The following MME variants were observed in gnomAD, a reference collection of about 807,000 sequenced individuals.
MME encodes neprilysin.
MME carries 98 observed loss-of-function variants against 113.2 expected under a neutral mutation model. The ratio of observed to expected loss-of-function variants is 0.87; its 90% CI spans 0.74 to 1.02. The LOEUF (loss-of-function observed/expected upper bound fraction) is 1.02, where lower values mean the gene tolerates loss of function less well. MME is among the 50% of genes least tolerant of loss of function. MME has a pLI of 0.00. For synonymous variants in MME, 292 were observed against 300.6 expected (o/e 0.97, Z 0.30); for missense variants, 836 against 896.0 (o/e 0.93, Z 0.86).
chr3:155,155,037 C>T (rs918796101), intron 16 of MME, among the ~76,000 whole-genome samples: 8 of 152,140 alleles, frequency 5.3e-5, no homozygotes, highest in Admixed American at 1.3e-4. Context: ...ACGTTTTATG[C>T]TTCCATTAAG....
At chr3:155,083,384 A>G (rs893524249) in intron 1 of MME, 5 of 152,192 alleles carry the variant, frequency 3.3e-5, no homozygotes, top group South Asian at 2.1e-4. Context: ...ATGTTTTTGC[A>G]TACCCTGCTT....
chr3:155,152,374 A>G (rs994621138), intron 16 of MME, among the ~76,000 whole-genome samples: 2 of 152,190 alleles, frequency 1.3e-5, no homozygotes, highest in African/African-American at 4.8e-5. Context: ...ACATTTTACT[A>G]CGTTTAGTTG....
intron 16 of MME, chr3:155,159,015 AT>A (rs1325855940): frequency 2.0e-5 from 3 of 152,010 alleles, no homozygotes; most frequent in African/African-American, 4.8e-5. Context: ...TGTTAACTAA[AT>A]TTTTTTAAGT....
chr3:155,024,715 C>T (rs1482448586), intron 1 of MME, among the ~76,000 whole-genome samples: 1 of 152,002 alleles, frequency 6.6e-6, no homozygotes, highest in African/African-American at 2.4e-5. Context: ...TTTTGGTGAA[C>T]AATTTTAGAA....
chr3:155,070,506 A>G lies in MME; in HGVS notation c.-10-13652A>G, dbSNP rs146746863. ...CTGACTTGGTAAGAATGCTTGTGGT[A>G]AGAATGACCAGCTGATGAAAAGGAT... On this transcript the variant is annotated intron_variant, in intron 1 of 22. Transcript: ENST00000492661. 4.6e-3 allele frequency among the ~76,000 whole-genome samples: 705 copies of G among 152,320 alleles called. 5 individuals are homozygous for G. Among genetic ancestry groups the G allele is most frequent in the East Asian group, 0.017 (87 of 5,170 alleles).
At chr3:155,172,280 T>C in intron 21 of MME, 68 bp downstream of exon 21, 1 of 1,077,630 alleles carries the variant, frequency 9.3e-7, no homozygotes, top group Non-Finnish European at 1.4e-6. Flanking sequence ...GTAAGTTAGA[T>C]GTCACATGCT....
chr3:155,056,961 A>T (rs1390551641), intron 1 of MME, among the ~76,000 whole-genome samples: 1 of 152,222 alleles, frequency 6.6e-6, no homozygotes, highest in Non-Finnish European at 1.5e-5. Context: ...TGGATTAAAG[A>T]CTTAAACGTT....
intron 1 of MME, among the ~76,000 whole-genome samples, chr3:155,024,774 C>T (rs1441333490): frequency 6.6e-6 from 1 of 152,120 alleles, no homozygotes; most frequent in Non-Finnish European, 1.5e-5. Context: ...AGATACATTT[C>T]CTATAAAGGT....
At chr3:155,086,504 G>A (rs1028159433) in intron 3 of MME, among the ~76,000 whole-genome samples, 10 of 152,174 alleles carry the variant, frequency 6.6e-5, no homozygotes, top group Non-Finnish European at 1.5e-4. Context: ...TTAAGAAGAG[G>A]TTCAAGGGCT....
intron 14 of MME, 92 bp from the exon 15 acceptor site, chr3:155,147,052 C>A: frequency 1.2e-6 from 1 of 809,848 alleles, no homozygotes; most frequent in Non-Finnish European, 2.2e-6. Flanking sequence ...CAGTATGGAT[C>A]AAGTTATTCA....
Position 155,084,307 on chromosome 3 carries a change from C to A in MME, c.140C>A (p.Ala47Glu), listed in dbSNP as rs750841157. The change falls in exon 2 of 23, where the codon GCA becomes GAA. Residue 47 changes from alanine to glutamate, a missense_variant. Transcript: ENST00000360490. ...ACCATCATAGCTGTGACAATGATCG[C>A]ACTCTATGCAACCTACGATGGTGAG... ...LLTIIAVTMI[A>E]LYATYDDGIC... The A allele has an allele frequency of 6.2e-7, 1 of 1,614,176 alleles. No individual in the cohort carries two copies. The highest frequency in any genetic ancestry group is 2.2e-5 in the East Asian group (1 of 44,874).
chr3:155,093,762 A>G (rs1239579983), intron 3 of MME, among the ~76,000 whole-genome samples: 1 of 151,788 alleles, frequency 6.6e-6, no homozygotes, highest in African/African-American at 2.4e-5. Flanking sequence ...AGGCTGAGGC[A>G]CAAGAATTGC....
chr3:155,039,855 C>T (rs1407035425), intron 1 of MME, among the ~76,000 whole-genome samples: 1 of 151,986 alleles, frequency 6.6e-6, no homozygotes, highest in African/African-American at 2.4e-5. Context: ...ATTTATGGTA[C>T]ACAACATGAT....
At chr3:155,066,037 C>G (rs1714371852) in intron 1 of MME, among the ~76,000 whole-genome samples, 1 of 152,134 alleles carries the variant, frequency 6.6e-6, no homozygotes, top group African/African-American at 2.4e-5. Context: ...GAGCGAAGGG[C>G]TATTAGACCA....
intron 3 of MME, among the ~76,000 whole-genome samples, chr3:155,100,379 G>A (rs1354694316): frequency 2.0e-5 from 3 of 152,138 alleles, no homozygotes; most frequent in Non-Finnish European, 2.9e-5. Flanking sequence ...TTAGAATGGC[G>A]ATCATTAAAA....
intron 1 of MME, among the ~76,000 whole-genome samples, chr3:155,064,028 T>A (rs145303720): frequency 6.6e-6 from 1 of 152,012 alleles, no homozygotes; most frequent in Non-Finnish European, 1.5e-5. Flanking sequence ...TGGTGGCTCA[T>A]GCCTGTAATC....
intron 16 of MME, among the ~76,000 whole-genome samples, chr3:155,151,879 C>A (rs916793208): frequency 6.6e-6 from 1 of 152,154 alleles, no homozygotes; most frequent in Non-Finnish European, 1.5e-5. Flanking sequence ...AGACATTTCT[C>A]ACTGTTCATT....
intron 1 of MME, among the ~76,000 whole-genome samples, chr3:155,053,568 C>T (rs1314674981): frequency 1.3e-5 from 2 of 152,160 alleles, no homozygotes; most frequent in African/African-American, 4.8e-5. Flanking sequence ...GAGTCCCTCC[C>T]ATGACTTGTG....
rs186075469 is a variant in MME, at chr3:155,092,975, G to T, written c.196+7881G>T. On this transcript the variant is annotated intron_variant, in intron 3 of 22. Transcript: ENST00000360490. ...CAAGTGTAAATTGGATTGTGGTGAT[G>T]GTTGCACAACTGTGTAAATTTACCA... Among the ~76,000 whole-genome samples the T allele has an allele frequency of 3.4e-4, 52 of 151,848 alleles. No individual in the cohort carries two copies. The East Asian group carries it at 5.2e-3, about 15-fold the overall frequency.
Sources: gnomAD v4.1 joint callset for allele counts (sites outside exome capture counted in the v4.1 genomes callset) on GRCh38, gnomAD v4.1.1 for gene constraint, MANE v1.5 for transcripts, NCBI Gene and HGNC (gene_info 2026-07-23, HGNC 2026-07-21) for gene names.